MTFR1: variants seen among roughly 807,000 people sequenced by gnomAD.
MTFR1 encodes the protein mitochondrial fission regulator 1, also known as chondrocyte protein with a poly-proline region.
A neutral mutation model predicts 38.8 loss-of-function variants in MTFR1; 28 were observed. That is an observed-to-expected ratio of 0.72 (90% confidence interval 0.53 to 0.99). MTFR1 has a LOEUF of 0.99. Ranked by LOEUF, MTFR1 falls within the 50% of genes least tolerant of loss-of-function variation. The pLI is 0.00. For synonymous variants in MTFR1, 145 were observed against 137.0 expected, an observed-to-expected ratio of 1.06 and a Z score of -0.41; for missense variants, 358 against 395.5, an observed-to-expected ratio of 0.91 and a Z score of 0.81.
chr8:65,771,884 C>CAAAAAAAAAAAAAA (rs36101490), downstream of MTFR1, among the ~76,000 whole-genome samples: 1 of 55,832 alleles, frequency 1.8e-5, no homozygotes, highest in Non-Finnish European at 3.7e-5. Context: ...CTCCATCTCT[C>CAAAAAAAAAAAAAA]AAAAAAAAAA....
At chr8:65,728,723 A>G (rs982694287) in intron 3 of MTFR1, 12 of 152,202 alleles carry the variant, frequency 7.9e-5, no homozygotes, top group African/African-American at 2.9e-4. Flanking sequence ...TGAACATGTA[A>G]TTTATTAGGC....
chr8:65,673,568 AC>A (rs989196581), intron 2 of MTFR1, among the ~76,000 whole-genome samples: 31 of 151,456 alleles, frequency 2.0e-4, no homozygotes, highest in Non-Finnish European at 4.0e-4. Flanking sequence ...ACAAACCTGC[AC>A]GTTCTGCACA....
At chr8:65,681,675 T>G (rs1023655347) in intron 2 of MTFR1, among the ~76,000 whole-genome samples, 3 of 151,178 alleles carry the variant, frequency 2.0e-5, no homozygotes, top group African/African-American at 4.8e-5. Context: ...GTTTTTGTTT[T>G]TTTTTTTTTT....
chr8:65,737,643 C>T (rs1194093092), intron 3 of MTFR1, among the ~76,000 whole-genome samples: 6 of 152,220 alleles, frequency 3.9e-5, no homozygotes, highest in Non-Finnish European at 7.4e-5. Flanking sequence ...CTCAGCCTCC[C>T]GAGTAGGTAG....
chr8:65,696,735 A>G (rs1805453664), intron 4 of MTFR1, among the ~76,000 whole-genome samples: 1 of 151,632 alleles, frequency 6.6e-6, no homozygotes, highest in South Asian at 2.1e-4. Context: ...GTCTTGGCTT[A>G]CTGCAACCTC....
upstream of MTFR1, among the ~76,000 whole-genome samples, chr8:65,644,314 A>T (rs964550379): frequency 2.6e-5 from 4 of 152,170 alleles, no homozygotes; most frequent in African/African-American, 9.7e-5. Flanking sequence ...TGAGGTCCGC[A>T]TAGGCATTAG....
In MTFR1 at chr8:65,693,817, A is replaced by G. The variant is rs1050755546; in HGVS notation, c.281+58A>G. On this transcript the variant is annotated intron_variant, in intron 4 of 7. Transcript: ENST00000262146. Reference sequence around the variant, plus strand: ...AATATCTATTTTTTTAAAGAATGATATTATTTGCAGTACTTATTTTTAATA... The same window carrying G: ...AATATCTATTTTTTTAAAGAATGATGTTATTTGCAGTACTTATTTTTAATA... 6 of 1,332,316 alleles carry G rather than the reference A, an allele frequency of 4.5e-6. No individual in the cohort carries two copies. The African/African-American group carries it at 8.7e-5, about 19-fold the overall frequency. 82.5% of individuals were successfully genotyped at this position (1,332,316 alleles called of 1,614,324 possible).
chr8:65,751,333 G>A (rs1235141676), intron 3 of MTFR1, among the ~76,000 whole-genome samples: 6 of 152,008 alleles, frequency 3.9e-5, no homozygotes, highest in East Asian at 1.9e-4. Context: ...ATGCATTCAC[G>A]TTTCAAAAAC....
chr8:65,757,182 A>G (rs1431629276), intron 3 of MTFR1, among the ~76,000 whole-genome samples: 1 of 152,206 alleles, frequency 6.6e-6, no homozygotes, highest in Non-Finnish European at 1.5e-5. Context: ...GTGGGCAGAC[A>G]TTAGAGTCCT....
chr8:65,680,899 CTTTT>C (rs1199113408), intron 2 of MTFR1, among the ~76,000 whole-genome samples: 1,709 of 93,450 alleles, frequency 0.018, 11 homozygotes, highest in African/African-American at 0.026. Flanking sequence ...AAGCAGTTCT[CTTTT>C]TTTTTTTTTT....
chr8:65,715,740 C>T (rs1806107240), intron 2 of MTFR1, among the ~76,000 whole-genome samples: 1 of 147,660 alleles, frequency 6.8e-6, no homozygotes, highest in Admixed American at 6.7e-5. Context: ...AATCCCAGCA[C>T]TATGGGAGGC....
At chr8:65,767,977 G>A (rs1808878260) in intron 3 of MTFR1, among the ~76,000 whole-genome samples, 1 of 152,152 alleles carries the variant, frequency 6.6e-6, no homozygotes, top group African/African-American at 2.4e-5. Flanking sequence ...TGGGGGCTGG[G>A]AGGCAGGTTT....
At chr8:65,739,923 AC>A (rs1563480300) in intron 3 of MTFR1, among the ~76,000 whole-genome samples, 2 of 152,288 alleles carry the variant, frequency 1.3e-5, no homozygotes, top group Admixed American at 1.3e-4. Context: ...CCACATAGTA[AC>A]CTAACTCAGT....
chr8:65,682,290 T>C (rs986542144), intron 2 of MTFR1, 63 bp from the exon 3 acceptor site: 1 of 756,844 alleles, frequency 1.3e-6, no homozygotes, highest in African/African-American at 1.8e-5. Context: ...AATTGTCTAA[T>C]GCTTTGTCTT....
intron 2 of MTFR1, chr8:65,719,336 A>C: frequency 6.2e-7 from 1 of 1,614,128 alleles, no homozygotes; most frequent in South Asian, 1.1e-5. Context: ...GTTCAACTCA[A>C]ATGCAGCATC....
intron 2 of MTFR1, among the ~76,000 whole-genome samples, chr8:65,674,134 T>C (rs1563442162): frequency 1.3e-5 from 2 of 152,008 alleles, no homozygotes; most frequent in African/African-American, 2.4e-5. Context: ...GGTTTCACCA[T>C]GTTGGCCAGG....
intron 2 of MTFR1, among the ~76,000 whole-genome samples, chr8:65,671,401 G>A (rs564330362): frequency 2.6e-5 from 4 of 152,158 alleles, no homozygotes; most frequent in African/African-American, 9.6e-5. Context: ...TGGGCATGGT[G>A]ACACGTACCT....
chr8:65,749,450 T>C (rs1807833153), intron 3 of MTFR1, among the ~76,000 whole-genome samples: 1 of 152,188 alleles, frequency 6.6e-6, no homozygotes, highest in Non-Finnish European at 1.5e-5. Flanking sequence ...TCTAAAACAA[T>C]TATGAATCTT....
At chr8:65,671,764 C>T (rs1449624046) in intron 2 of MTFR1, among the ~76,000 whole-genome samples, 1 of 152,088 alleles carries the variant, frequency 6.6e-6, no homozygotes, top group Non-Finnish European at 1.5e-5. Flanking sequence ...TGGATTTAAA[C>T]ACACTTGAAT....
Sources: allele counts gnomAD v4.1 joint callset (sites outside exome capture counted in the v4.1 genomes callset), GRCh38; gene constraint gnomAD v4.1.1; transcripts MANE v1.5; gene names NCBI Gene and HGNC (gene_info 2026-07-23, HGNC 2026-07-21).